MAN1A2: variants seen among roughly 807,000 people sequenced by gnomAD.
MAN1A2 encodes the protein mannosyl-oligosaccharide 1,2-alpha-mannosidase IB.
Under a neutral mutation model 75.7 loss-of-function variants are expected in MAN1A2, and 26 were observed. The ratio of observed to expected loss-of-function variants is 0.34; its 90% CI spans 0.25 to 0.48. The LOEUF (loss-of-function observed/expected upper bound fraction) is 0.48, where lower values mean the gene tolerates loss of function less well. MAN1A2 is among the 20% of genes least tolerant of loss of function. The pLI is 0.99. For synonymous variants in MAN1A2, 247 were observed against 264.6 expected, an observed-to-expected ratio of 0.93 and a Z score of 0.65; for missense variants, 562 against 775.5, an observed-to-expected ratio of 0.72 and a Z score of 3.27.
intron 7 of MAN1A2, among the ~76,000 whole-genome samples, chr1:117,465,342 A>G (rs77127131): frequency 2.2e-3 from 340 of 152,306 alleles, no homozygotes; most frequent in South Asian, 0.011. Context: ...ATTCAGAACT[A>G]TCTAAAAAGT....
At position 117,439,440 on chromosome 1, in the gene MAN1A2, T is replaced by C. The variant is rs189116872; in HGVS notation, c.856-2791T>C. 4.3e-3 allele frequency among the ~76,000 whole-genome samples: 655 copies of C among 152,126 alleles called. 1 individual carries two copies. Among genetic ancestry groups the C allele is most frequent in the African/African-American group, 0.015 (628 of 41,516 alleles). ...CATAAGAAGCATATATAGATCCTAA[T>C]GTCACTTCCCTCCTCAAGAAACTAC... On this transcript the variant is annotated intron_variant, in intron 5 of 12. Coordinates refer to ENST00000356554, the MANE Select transcript of MAN1A2 (RefSeq NM_006699.5).
chr1:117,459,002 C>T (rs1253695269), intron 6 of MAN1A2, among the ~76,000 whole-genome samples: 1 of 151,976 alleles, frequency 6.6e-6, no homozygotes, highest in Non-Finnish European at 1.5e-5. Context: ...GAAAGCTAGA[C>T]AAAATATATA....
At chr1:117,472,857 C>A (rs946734912) in intron 8 of MAN1A2, among the ~76,000 whole-genome samples, 3 of 151,758 alleles carry the variant, frequency 2.0e-5, no homozygotes, top group Admixed American at 6.6e-5. Context: ...CTATCATTAG[C>A]GTTAGTGTAT....
At chr1:117,479,589 C>G (rs1429301580) in intron 8 of MAN1A2, among the ~76,000 whole-genome samples, 2 of 151,918 alleles carry the variant, frequency 1.3e-5, no homozygotes, top group Non-Finnish European at 2.9e-5. Flanking sequence ...CCCTTTTTCT[C>G]TGTAACCTCA....
At chr1:117,468,615 A>G (rs1170153723) in intron 8 of MAN1A2, among the ~76,000 whole-genome samples, 1 of 152,090 alleles carries the variant, frequency 6.6e-6, no homozygotes, top group East Asian at 1.9e-4. Context: ...TTTTAATTTA[A>G]TTAACTTACA....
chr1:117,508,193 C>T (rs1002207650), intron 12 of MAN1A2, among the ~76,000 whole-genome samples: 1 of 151,608 alleles, frequency 6.6e-6, no homozygotes, highest in Admixed American at 6.6e-5. Context: ...TTCTGTTGCA[C>T]ATTTATTTAA....
intron 12 of MAN1A2, among the ~76,000 whole-genome samples, chr1:117,504,864 A>G (rs539409247): frequency 2.0e-5 from 3 of 151,590 alleles, no homozygotes; most frequent in Non-Finnish European, 3.0e-5. Flanking sequence ...GATTTAGGTT[A>G]AACATTTTCA....
chr1:117,428,663 A>G (rs1268006111), intron 5 of MAN1A2, among the ~76,000 whole-genome samples: 1 of 152,162 alleles, frequency 6.6e-6, no homozygotes, highest in African/African-American at 2.4e-5. Context: ...TTGAAAGTAA[A>G]TGAATGGGAA....
intron 1 of MAN1A2, among the ~76,000 whole-genome samples, chr1:117,392,602 G>A (rs1191865000): frequency 2.0e-5 from 3 of 151,970 alleles, no homozygotes; most frequent in Non-Finnish European, 4.4e-5. Context: ...TTCACATTTC[G>A]TAAATTTTAC....
intron 8 of MAN1A2, among the ~76,000 whole-genome samples, chr1:117,479,711 G>C (rs1650432220): frequency 6.6e-6 from 1 of 151,708 alleles, no homozygotes; most frequent in South Asian, 2.1e-4. Flanking sequence ...TTGAGCTTTG[G>C]ATCAGTTTGA....
chr1:117,406,031 A>G (rs990365233), intron 3 of MAN1A2, among the ~76,000 whole-genome samples: 3 of 152,034 alleles, frequency 2.0e-5, no homozygotes, highest in African/African-American at 7.3e-5. Flanking sequence ...TTCTGTGTAC[A>G]TTTTTTAAAA....
intron 5 of MAN1A2, among the ~76,000 whole-genome samples, chr1:117,427,342 A>G (rs896524037): frequency 6.6e-6 from 1 of 152,334 alleles, no homozygotes. Flanking sequence ...GAAATTCTAG[A>G]ATGAAAACTT....
chr1:117,442,256 T>C lies in MAN1A2; in HGVS notation c.881T>C (p.Leu294Ser). The C allele has an allele frequency of 6.2e-7, 1 of 1,610,094 alleles. No individual in the cohort carries two copies. The highest frequency in any genetic ancestry group is 8.5e-7 in the Non-Finnish European group (1 of 1,176,362). The change falls in exon 6 of 13, where the codon TTG (leucine) becomes TCG (serine). Residue 294 changes from leucine (L) to serine (S), a missense_variant. By Grantham distance (145) the Leu-to-Ser change is moderately radical. Transcript: ENST00000356554. ...EEIFKIKAVQ[L>S]AEKLLPAFNT... ...ATATTCAAGATTAAAGCAGTGCAATTGGCTGAGAAACTCCTTCCTGCCTTT... is the reference window on the plus strand; with the variant it reads ...ATATTCAAGATTAAAGCAGTGCAATCGGCTGAGAAACTCCTTCCTGCCTTT...
At chr1:117,388,166 G>A (rs1040787617) in intron 1 of MAN1A2, among the ~76,000 whole-genome samples, 2 of 149,100 alleles carry the variant, frequency 1.3e-5, no homozygotes, top group African/African-American at 2.5e-5. Flanking sequence ...GGAGAGGCCG[G>A]ACAGAAAGGA....
chr1:117,418,209 T>C (rs764895209), intron 4 of MAN1A2, among the ~76,000 whole-genome samples: 27 of 152,172 alleles, frequency 1.8e-4, no homozygotes, highest in Non-Finnish European at 3.2e-4. Flanking sequence ...CTGTTCTAGA[T>C]TCTGTGGATA....
At chr1:117,461,133 A>G (rs1052002024) in intron 7 of MAN1A2, among the ~76,000 whole-genome samples, 1 of 152,228 alleles carries the variant, frequency 6.6e-6, no homozygotes, top group African/African-American at 2.4e-5. Context: ...TTGCAAAAAG[A>G]TATCTTATGT....
At chr1:117,400,873 T>C (rs1647402512) in intron 1 of MAN1A2, among the ~76,000 whole-genome samples, 1 of 152,190 alleles carries the variant, frequency 6.6e-6, no homozygotes, top group Non-Finnish European at 1.5e-5. Context: ...ACATAAAATT[T>C]ACCATCTTAA....
intron 1 of MAN1A2, among the ~76,000 whole-genome samples, chr1:117,386,575 C>T (rs971091234): frequency 4.6e-5 from 7 of 152,094 alleles, no homozygotes; most frequent in Non-Finnish European, 8.8e-5. Flanking sequence ...TACTAGCTTC[C>T]TTTGCTTCAC....
intron 6 of MAN1A2, among the ~76,000 whole-genome samples, chr1:117,447,036 T>C (rs1275257164): frequency 6.6e-6 from 1 of 152,090 alleles, no homozygotes; most frequent in Non-Finnish European, 1.5e-5. Flanking sequence ...TCTGGTAATG[T>C]TTTTGTCTTG....
Sources: gnomAD v4.1 joint callset for allele counts (sites outside exome capture counted in the v4.1 genomes callset) on GRCh38, gnomAD v4.1.1 for gene constraint, MANE v1.5 for transcripts, NCBI Gene and HGNC (gene_info 2026-07-23, HGNC 2026-07-21) for gene names.